PI4K2A: variants seen among roughly 807,000 people sequenced by gnomAD.
PI4K2A encodes the protein phosphatidylinositol 4-kinase type 2-alpha.
PI4K2A carries 20 observed loss-of-function variants against 55.0 expected under a neutral mutation model. That is an observed-to-expected ratio of 0.36 (90% confidence interval 0.26 to 0.53). The LOEUF (loss-of-function observed/expected upper bound fraction) is 0.53. Among genes scored for constraint, PI4K2A ranks in the 20% least tolerant of loss-of-function variants. PI4K2A has a pLI of 0.91. For missense variants in PI4K2A, 463 were observed against 637.1 expected (o/e 0.73, Z 2.94); for synonymous variants, 235 against 258.5 (o/e 0.91, Z 0.87).
chr10:97,662,211 A>G (rs2041587593), intron 4 of PI4K2A, among the ~76,000 whole-genome samples: 1 of 152,074 alleles, frequency 6.6e-6, no homozygotes, highest in African/African-American at 2.4e-5. Flanking sequence ...TGAACATTTT[A>G]AAGTCTGTAT....
chr10:97,660,412 CA>C (rs1484957934), intron 4 of PI4K2A, among the ~76,000 whole-genome samples: 1 of 151,684 alleles, frequency 6.6e-6, no homozygotes, highest in African/African-American at 2.4e-5. Context: ...TCTCCTGCCT[CA>C]GCCTCCCGAG....
chr10:97,642,879 TTC>T (rs1564772360), intron 1 of PI4K2A, among the ~76,000 whole-genome samples: 1 of 127,162 alleles, frequency 7.9e-6, no homozygotes, highest in Non-Finnish European at 1.7e-5. Flanking sequence ...CTTTCTTTCT[TTC>T]TTTCTTCCTT....
chr10:97,643,066 C>T (rs1055835736), intron 1 of PI4K2A, among the ~76,000 whole-genome samples: 4 of 151,546 alleles, frequency 2.6e-5, no homozygotes, highest in Admixed American at 6.6e-5. Flanking sequence ...TCACTGCTCA[C>T]TGCAGCCTTG....
chr10:97,644,609 T>C (rs1170105218), intron 1 of PI4K2A, among the ~76,000 whole-genome samples: 13 of 152,212 alleles, frequency 8.5e-5, no homozygotes, highest in Non-Finnish European at 1.9e-4. Context: ...TTCTACTACA[T>C]GGTCCAAGAT....
chr10:97,642,971 T>A (rs901875576), intron 1 of PI4K2A, among the ~76,000 whole-genome samples: 6 of 150,546 alleles, frequency 4.0e-5, no homozygotes, highest in African/African-American at 1.5e-4. Context: ...TCTTTCTTTC[T>A]TTCATTCATT....
At chr10:97,674,668 C>A (rs74370475) in exon 9 of PI4K2A, 3,026 of 152,320 alleles carry the variant, frequency 0.02, 114 homozygotes, top group African/African-American at 0.069. Flanking sequence ...TTTTTCCCCC[C>A]AACTCTTTTG....
intron 8 of PI4K2A, among the ~76,000 whole-genome samples, chr10:97,673,109 C>A (rs796697789): frequency 1.6e-4 from 24 of 152,188 alleles, no homozygotes; most frequent in African/African-American, 5.8e-4. Flanking sequence ...GCCTCAGCCT[C>A]CCCAGTAGTT....
chr10:97,657,766 T>G (rs528543372), intron 4 of PI4K2A, among the ~76,000 whole-genome samples: 2 of 152,298 alleles, frequency 1.3e-5, no homozygotes, highest in African/African-American at 4.8e-5. Flanking sequence ...ATTTATTATC[T>G]TAACCATTTT....
intron 1 of PI4K2A, among the ~76,000 whole-genome samples, chr10:97,642,863 CTTTTTCTT>C (rs1341960422): frequency 5.2e-5 from 4 of 77,000 alleles, no homozygotes; most frequent in African/African-American, 3.0e-4. Flanking sequence ...TTCTTTCTTT[CTTTTTCTT>C]TCTTTCTTTC....
chr10:97,641,183 T>G lies in PI4K2A; in HGVS notation c.435+6T>G. 1 of 1,590,350 alleles carries G rather than the reference T, an allele frequency of 6.3e-7. No individual in the cohort carries two copies. ...TCGTCAAGGACCCTCAGGGGGTGAG[T>G]GCGGGGGTGGGGACCGCCGCCGCGG... On this transcript the variant is annotated splice_donor_region_variant and intron_variant, in intron 1 of 8. Transcript: ENST00000370631.
chr10:97,675,913 C>T (rs1342457011), exon 9 of PI4K2A: 2 of 152,666 alleles, frequency 1.3e-5, no homozygotes, highest in Non-Finnish European at 2.9e-5. Flanking sequence ...AGCCATAGGC[C>T]CTGCCTCCAG....
exon 1 of PI4K2A, chr10:97,640,748 C>T (rs755817769): frequency 1.3e-6 from 2 of 1,504,036 alleles, no homozygotes; most frequent in South Asian, 2.5e-5. Context: ...GAGGGATGGA[C>T]GAGACGAGCC....
At chr10:97,640,861 C>A in exon 1 of PI4K2A, 1 of 1,326,780 alleles carries the variant, frequency 7.5e-7, no homozygotes, top group Non-Finnish European at 9.6e-7. Context: ...CGAGTGGCGG[C>A]GGCGGCCGGC....
chr10:97,641,246 T>G, intron 1 of PI4K2A, 69 bp downstream of exon 1: 1 of 1,170,902 alleles, frequency 8.5e-7, no homozygotes, highest in Non-Finnish European at 1.2e-6. Flanking sequence ...GTTGGGGGCT[T>G]CGCACAGCCA....
intron 1 of PI4K2A, among the ~76,000 whole-genome samples, chr10:97,650,144 G>T (rs916094267): frequency 3.9e-5 from 6 of 152,020 alleles, no homozygotes; most frequent in Admixed American, 1.3e-4. Context: ...TCATTTTTTT[G>T]GGGGAAAGAT....
At chr10:97,648,092 A>ATTTTTTTTTT (rs11332690) in intron 1 of PI4K2A, among the ~76,000 whole-genome samples, 15 of 120,646 alleles carry the variant, frequency 1.2e-4, no homozygotes, top group South Asian at 1.1e-3. Flanking sequence ...CACTTAGCTA[A>ATTTTTTTTTT]TTTTTTTTTT....
At chr10:97,641,324 A>C in intron 1 of PI4K2A, 147 bp downstream of exon 1, 1 of 615,128 alleles carries the variant, frequency 1.6e-6, no homozygotes, top group Non-Finnish European at 2.8e-6. Flanking sequence ...TGAGGACTGG[A>C]GCTGGGGACG....
chr10:97,642,186 T>C (rs1199255772), intron 1 of PI4K2A, among the ~76,000 whole-genome samples: 3 of 152,118 alleles, frequency 2.0e-5, no homozygotes, highest in Non-Finnish European at 4.4e-5. Context: ...AGGGTGCTGT[T>C]TTAATAGGAG....
intron 1 of PI4K2A, among the ~76,000 whole-genome samples, chr10:97,643,985 G>C (rs570697584): frequency 9.9e-5 from 15 of 152,270 alleles, no homozygotes; most frequent in African/African-American, 3.4e-4. Flanking sequence ...GCAGGATTGG[G>C]CCAAGGCGGG....
Sources: allele counts gnomAD v4.1 joint callset (sites outside exome capture counted in the v4.1 genomes callset), GRCh38; gene constraint gnomAD v4.1.1; transcripts MANE v1.5; gene names NCBI Gene and HGNC (gene_info 2026-07-23, HGNC 2026-07-21).